UPF2: variants seen among roughly 807,000 people sequenced by gnomAD.
UPF2 encodes UPF2 regulator of nonsense mediated mRNA decay, also known as regulator of nonsense transcripts 2.
In UPF2, 17 loss-of-function variants were observed where a neutral mutation model predicts 141.4. That is an observed-to-expected ratio of 0.12 (90% CI 0.08 to 0.18). The LOEUF is 0.18. UPF2 is among the 10% of genes least tolerant of loss of function. UPF2 has a pLI of 1.00. For synonymous variants in UPF2, 540 were observed against 498.0 expected (o/e 1.08, Z -1.12); for missense variants, 1,152 against 1,515.9 (o/e 0.76, Z 3.99).
chr10:11,995,048 A>T (rs1305083444), intron 8 of UPF2, among the ~76,000 whole-genome samples: 1 of 151,444 alleles, frequency 6.6e-6, no homozygotes, highest in Non-Finnish European at 1.5e-5. Flanking sequence ...AAGCAAACCA[A>T]CAATCGGAAT....
intron 16 of UPF2, among the ~76,000 whole-genome samples, chr10:11,944,945 T>C (rs1049615858): frequency 2.0e-5 from 3 of 152,226 alleles, no homozygotes; most frequent in Non-Finnish European, 2.9e-5. Context: ...CTCTATGATC[T>C]TGGGCAAATT....
At chr10:12,036,443 G>C (rs1371479672) in intron 1 of UPF2, among the ~76,000 whole-genome samples, 1 of 152,188 alleles carries the variant, frequency 6.6e-6, no homozygotes, top group Non-Finnish European at 1.5e-5. Flanking sequence ...TCTTCAGTCA[G>C]TATCTGTATT....
chr10:12,022,286 C>A (rs1834331565), intron 3 of UPF2, among the ~76,000 whole-genome samples: 1 of 151,796 alleles, frequency 6.6e-6, no homozygotes, highest in Non-Finnish European at 1.5e-5. Flanking sequence ...GCGGCATGTG[C>A]CTGTGGTCCC....
In UPF2 at chr10:11,943,130, C is replaced by T. The variant is rs763128363; in HGVS notation, c.3213G>A (p.Glu1071=). ...TAAGGTAATCTGTATTCTCTTCCTC[C>T]TCTTCTTCTCCCTCATCATCATCAT... is the stretch of plus-strand genomic sequence containing the variant. The part of the protein sequence containing the change: ...SDNDDDEGEE[E]EEENTDYLTD... Residue 1071 remains glutamate, a synonymous_variant, in exon 17 of 22, where the codon GAG becomes GAA. Transcript: ENST00000357604. 7 of 1,611,628 alleles carry T rather than the reference C, an allele frequency of 4.3e-6. No homozygotes were observed. The South Asian group carries it at 7.7e-5, about 18-fold the overall frequency.
rs538985613 is a variant in UPF2, at chr10:11,978,975, T to C, written c.1953+82A>G. On this transcript the variant is annotated intron_variant, in intron 9 of 21. Coordinates refer to ENST00000357604, the MANE Select transcript of UPF2 (RefSeq NM_015542.4). Reference sequence around the variant, plus strand: ...CCACTATCAAATTTCAAGAATATGCTTACCAACAATTACATTCTTAAAGAA... The same window carrying C: ...CCACTATCAAATTTCAAGAATATGCCTACCAACAATTACATTCTTAAAGAA... 1.7e-5 allele frequency: 20 copies of C among 1,145,810 alleles called. No individual in the cohort carries two copies. The South Asian group carries it at 2.5e-4, about 15-fold the overall frequency. The allele number at this position is 1,145,810 out of a possible 1,614,324, so 71.0% of individuals were successfully genotyped here. A position where few individuals can be genotyped will look rare whatever the true frequency, so the allele number is the denominator to read the frequency against.
Position 12,007,891 on chromosome 10 carries a change from CT to C in UPF2, c.1307-3165del, listed in dbSNP as rs946546228. Among the ~76,000 whole-genome samples, 635 of 142,500 alleles carry C rather than the reference CT, an allele frequency of 4.5e-3. 4 individuals carry two copies. Among genetic ancestry groups the C allele is most frequent in the African/African-American group, 0.014 (543 of 39,406 alleles). The allele number at this position is 142,500 out of a possible 152,430, so 93.5% of individuals were successfully genotyped here. A position where few individuals can be genotyped will look rare whatever the true frequency, so the allele number is the denominator to read the frequency against. On this transcript the variant is annotated intron_variant, in intron 4 of 21. Coordinates refer to ENST00000357604, the MANE Select transcript of UPF2 (RefSeq NM_015542.4). ...AATAATTTCCTTAATATACAAAGTG[CT>C]TTTTTTTTTTCTCTCTGACATGGAG...
chr10:11,997,227 C>G (rs908457303), intron 8 of UPF2, among the ~76,000 whole-genome samples: 3 of 152,096 alleles, frequency 2.0e-5, no homozygotes, highest in African/African-American at 7.2e-5. Flanking sequence ...TCTAGGCAGG[C>G]TATCATACCT....
At position 11,952,636 on chromosome 10, in the gene UPF2, G is replaced by A. The variant is rs184547673; in HGVS notation, c.2851-387C>T. ...ACTACAGGTGCATGCCACCACGCCC[G>A]GCTACTTTTTAATATTTTTAGTGGA... On this transcript the variant is annotated intron_variant, in intron 14 of 21. Coordinates refer to ENST00000357604, the MANE Select transcript of UPF2 (RefSeq NM_015542.4). Among the ~76,000 whole-genome samples the A allele has an allele frequency of 1.7e-3, 257 of 151,818 alleles. 1 individual carries two copies. The highest frequency in any genetic ancestry group is 5.9e-3 in the African/African-American group (245 of 41,384).
chr10:12,024,469 G>A (rs142471131), intron 3 of UPF2, among the ~76,000 whole-genome samples: 1 of 151,942 alleles, frequency 6.6e-6, no homozygotes, highest in African/African-American at 2.4e-5. Flanking sequence ...AATTAGCTGG[G>A]TGTGGTGGCA....
chr10:11,979,446 AC>A lies in UPF2; in HGVS notation c.1845-282del, dbSNP rs1446960251. On this transcript the variant is annotated intron_variant, in intron 8 of 21. Coordinates refer to ENST00000357604, the MANE Select transcript of UPF2 (RefSeq NM_015542.4). The surrounding 1 kb of genome is among the most constrained non-coding windows in gnomAD (Gnocchi z 6.2). Reference sequence around the variant, plus strand: ...AATATGAAACACCACACACAAAAAAACAGTATGTTTTGACACGACTTAAATT... The same window carrying A: ...AATATGAAACACCACACACAAAAAAAAGTATGTTTTGACACGACTTAAATT... Among the ~76,000 whole-genome samples, 3 of 152,348 alleles carry A rather than the reference AC, an allele frequency of 2.0e-5. No individual in the cohort carries two copies. The highest frequency in any genetic ancestry group is 4.1e-4 in the South Asian group (2 of 4,834).
chr10:12,029,652 C>T, intron 2 of UPF2, 128 bp from the exon 3 acceptor site: 1 of 1,057,930 alleles, frequency 9.5e-7, no homozygotes, highest in Non-Finnish European at 1.3e-6. Context: ...TTCAAAAGGC[C>T]TTTCACTACT....
At chr10:12,006,665 G>C (rs529785645) in intron 4 of UPF2, among the ~76,000 whole-genome samples, 1 of 152,090 alleles carries the variant, frequency 6.6e-6, no homozygotes, top group African/African-American at 2.4e-5. Flanking sequence ...AAACAAACTG[G>C]AAGACAATAT....
At chr10:11,974,981 T>C (rs1293272335) in intron 9 of UPF2, among the ~76,000 whole-genome samples, 1 of 152,218 alleles carries the variant, frequency 6.6e-6, no homozygotes, top group Non-Finnish European at 1.5e-5. Flanking sequence ...TTGAAATAAA[T>C]ATACCTATAA....
At position 11,921,402 on chromosome 10, in the gene UPF2, C is replaced by A. The variant is rs565297673; in HGVS notation, c.3810-95G>T. 4.0e-6 allele frequency: 6 copies of A among 1,514,910 alleles called. No homozygotes were observed. The highest frequency in any genetic ancestry group is 5.5e-6 in the Non-Finnish European group (6 of 1,095,234). 93.8% of individuals were successfully genotyped at this position (1,514,910 alleles called of 1,614,324 possible). On this transcript the variant is annotated intron_variant, in intron 21 of 21. Transcript: ENST00000357604. The surrounding 1 kb of genome is among the most constrained non-coding windows in gnomAD (Gnocchi z 5.9). Reference sequence around the variant, plus strand: ...GCAACGCTACCCACCACCACCAAGTCACTCCCCCAAGTTACAGGTGGCCCT... The same window carrying A: ...GCAACGCTACCCACCACCACCAAGTAACTCCCCCAAGTTACAGGTGGCCCT...
At chr10:11,977,941 A>G (rs1833533089) in intron 9 of UPF2, among the ~76,000 whole-genome samples, 2 of 152,170 alleles carry the variant, frequency 1.3e-5, no homozygotes, top group African/African-American at 2.4e-5. Flanking sequence ...ACTTTAGCAA[A>G]AGTTGGCCCA....
chr10:12,021,992 T>C (rs778147070), intron 3 of UPF2, among the ~76,000 whole-genome samples: 1 of 151,804 alleles, frequency 6.6e-6, no homozygotes, highest in African/African-American at 2.4e-5. Flanking sequence ...ATACAAAAAT[T>C]AGTCGAGTGT....
chr10:11,942,542 G>C, intron 18 of UPF2, 123 bp downstream of exon 18: 1 of 783,500 alleles, frequency 1.3e-6, no homozygotes. Context: ...GTCTACACAT[G>C]ATCTAGCAAA....
In UPF2 at chr10:11,952,109, G is replaced by A; in HGVS notation, c.2991C>T (p.Ile997=). 6.2e-7 allele frequency: 1 copy of A among 1,614,008 alleles called. No individual in the cohort carries two copies. ...IKLCNSLEES[I]RQVQDLEREF... Reference sequence around the variant, plus strand: ...CTCGTTCCAAGTCTTGTACCTGCCTGATGGATTCTTCCAGAGAATTACAGA... The same window carrying A: ...CTCGTTCCAAGTCTTGTACCTGCCTAATGGATTCTTCCAGAGAATTACAGA... Residue 997 remains isoleucine, a synonymous_variant, in exon 15 of 22, where the codon ATC becomes ATT. Transcript: ENST00000357604.
intron 6 of UPF2, among the ~76,000 whole-genome samples, chr10:12,001,079 T>C (rs1833943706): frequency 6.6e-6 from 1 of 152,188 alleles, no homozygotes; most frequent in Admixed American, 6.6e-5. Flanking sequence ...AGTGTAAGTA[T>C]CTTTATTCTA....
Sources: gnomAD v4.1 joint callset for allele counts (sites outside exome capture counted in the v4.1 genomes callset) on GRCh38, gnomAD v4.1.1 for gene constraint, Gnocchi (gnomAD v3.1) non-coding constraint, MANE v1.5 for transcripts, NCBI Gene and HGNC (gene_info 2026-07-23, HGNC 2026-07-21) for gene names.